CCDC141: variants seen among roughly 807,000 people sequenced by gnomAD.
CCDC141 encodes coiled-coil domain containing 141.
In CCDC141, 168 loss-of-function variants were observed where a neutral mutation model predicts 181.0. The ratio of observed to expected loss-of-function variants is 0.93; its 90% CI spans 0.82 to 1.05. The LOEUF (loss-of-function observed/expected upper bound fraction) is 1.05. Among genes scored for constraint, CCDC141 ranks in the 50% least tolerant of loss-of-function variants. The pLI, the probability that CCDC141 is intolerant of heterozygous loss-of-function variation, is 0.00. For missense variants in CCDC141, 1,902 were observed against 1,788.5 expected (o/e 1.06, Z -1.14); for synonymous variants, 666 against 642.3 (o/e 1.04, Z -0.56).
chr2:178,827,453 A>G (rs1464031231), downstream of CCDC141, among the ~76,000 whole-genome samples: 2 of 151,874 alleles, frequency 1.3e-5, no homozygotes, highest in African/African-American at 4.8e-5. Flanking sequence ...CCTTCCTTAT[A>G]TTGTATATAT....
At chr2:179,003,415 C>T (rs938949684) in intron 2 of CCDC141, among the ~76,000 whole-genome samples, 5 of 152,202 alleles carry the variant, frequency 3.3e-5, no homozygotes, top group African/African-American at 1.2e-4. Flanking sequence ...ATTACTTTTT[C>T]TCACTAGGCC....
Position 178,878,140 on chromosome 2 carries a change from C to T in CCDC141, c.1723G>A (p.Glu575Lys), listed in dbSNP as rs762046066. Residue 575 changes from glutamate to lysine, a missense_variant, in exon 12 of 24, where the codon GAG becomes AAG. By Grantham distance (56) the Glu-to-Lys change is moderately conservative. Coordinates refer to ENST00000443758, the MANE Select transcript of CCDC141 (RefSeq NM_173648.4). ...TCTTTTAAGCTCTGAAACTGCATCTCTACCTAAAAAAGAAAAAAGAGAGTT... is the reference window on the plus strand; with the variant it reads ...TCTTTTAAGCTCTGAAACTGCATCTTTACCTAAAAAAGAAAAAAGAGAGTT... Reference protein sequence around the residue: ...VAFLKSSEEVEMQFQSLKEFY... With the variant: ...VAFLKSSEEVKMQFQSLKEFY... 6.3e-6 allele frequency: 10 copies of T among 1,589,514 alleles called. No homozygotes were observed. Among genetic ancestry groups the T allele is most frequent in the Non-Finnish European group, 8.5e-6 (10 of 1,173,958 alleles).
chr2:178,912,941 C>A (rs964107653), intron 7 of CCDC141, among the ~76,000 whole-genome samples: 8 of 152,176 alleles, frequency 5.3e-5, no homozygotes, highest in African/African-American at 1.2e-4. Context: ...CTCTGGGGAG[C>A]CTTCCTTGAC....
At chr2:178,961,615 T>A in intron 4 of CCDC141, 132 bp from the exon 5 acceptor site, 2 of 790,370 alleles carry the variant, frequency 2.5e-6, no homozygotes, top group Non-Finnish European at 3.8e-6. Flanking sequence ...TGCAAGGAAT[T>A]AAAATATGTA....
intron 17 of CCDC141, among the ~76,000 whole-genome samples, chr2:178,860,864 T>G (rs999938870): frequency 1.3e-5 from 2 of 152,172 alleles, no homozygotes; most frequent in African/African-American, 4.8e-5. Flanking sequence ...CCATTTTGCA[T>G]GTTTTGTGTC....
intron 19 of CCDC141, 60 bp from the exon 20 acceptor site, chr2:178,853,684 T>C: frequency 7.0e-7 from 1 of 1,433,440 alleles, no homozygotes; most frequent in Non-Finnish European, 9.5e-7. Flanking sequence ...AAGTTCTTAA[T>C]TTTGACCAGT....
intron 16 of CCDC141, 26 bp from the exon 17 acceptor site, chr2:178,865,942 G>C (rs1685834151): frequency 1.4e-6 from 2 of 1,444,836 alleles, no homozygotes; most frequent in Non-Finnish European, 1.8e-6. Flanking sequence ...GGTGGTAACA[G>C]AGAGAAAGGA....
chr2:178,884,831 T>C, intron 11 of CCDC141, 70 bp downstream of exon 11: 1 of 1,286,034 alleles, frequency 7.8e-7, no homozygotes, highest in South Asian at 1.4e-5. Flanking sequence ...GCAGAGCATA[T>C]ATCCCCACAG....
intron 12 of CCDC141, chr2:178,873,347 A>C (rs1686204414): frequency 6.6e-6 from 1 of 152,144 alleles, no homozygotes; most frequent in Non-Finnish European, 1.5e-5. Context: ...CATGAACTTA[A>C]GAATCTAGTA....
intron 22 of CCDC141, among the ~76,000 whole-genome samples, chr2:178,838,298 A>G (rs1042382248): frequency 6.6e-6 from 1 of 152,240 alleles, no homozygotes; most frequent in African/African-American, 2.4e-5. Flanking sequence ...GCTCAGTGGC[A>G]TTAAGTGCAT....
chr2:178,855,637 A>G, intron 18 of CCDC141, 96 bp from the exon 19 acceptor site: 4 of 685,694 alleles, frequency 5.8e-6, no homozygotes, highest in Non-Finnish European at 9.4e-6. Flanking sequence ...AAAATTTTGC[A>G]GCTTCCTCCA....
the CCDC141 span, among the ~76,000 whole-genome samples, chr2:178,816,646 G>C: frequency 6.6e-6 from 1 of 151,966 alleles, no homozygotes; most frequent in Non-Finnish European, 1.5e-5. Context: ...CTGCCGTTTT[G>C]CGTTCCCACC....
At chr2:179,038,105 C>G (rs867493971) in intron 2 of CCDC141, among the ~76,000 whole-genome samples, 1 of 152,158 alleles carries the variant, frequency 6.6e-6, no homozygotes, top group Non-Finnish European at 1.5e-5. Flanking sequence ...AAAGTGGAAA[C>G]AACTCAAGTG....
intron 2 of CCDC141, among the ~76,000 whole-genome samples, chr2:179,006,408 A>T (rs916852210): frequency 6.6e-6 from 1 of 152,184 alleles, no homozygotes; most frequent in Non-Finnish European, 1.5e-5. Context: ...TTTCATATGA[A>T]AGTGTTCAGA....
chr2:179,033,964 T>G (rs1575373460), intron 2 of CCDC141, among the ~76,000 whole-genome samples: 2 of 152,308 alleles, frequency 1.3e-5, no homozygotes, highest in East Asian at 3.9e-4. Context: ...GAAAAAAGCA[T>G]AAATTACTAA....
chr2:178,990,574 G>T (rs1559032867), intron 2 of CCDC141, among the ~76,000 whole-genome samples: 1 of 136,452 alleles, frequency 7.3e-6, no homozygotes, highest in African/African-American at 2.9e-5. Context: ...AAAAGAGAAG[G>T]GGAGGGGAGT....
intron 6 of CCDC141, among the ~76,000 whole-genome samples, chr2:178,920,533 G>A (rs1435485327): frequency 6.6e-6 from 1 of 152,028 alleles, no homozygotes; most frequent in East Asian, 1.9e-4. Context: ...ACCAGCCTGG[G>A]CAACATGGCA....
intron 5 of CCDC141, among the ~76,000 whole-genome samples, chr2:178,954,514 C>G (rs1288848918): frequency 6.6e-6 from 1 of 152,176 alleles, no homozygotes; most frequent in Non-Finnish European, 1.5e-5. Flanking sequence ...AAGTCCCCAT[C>G]ATGCTGGTCA....
intron 6 of CCDC141, among the ~76,000 whole-genome samples, chr2:178,935,645 T>C (rs753670863): frequency 6.6e-6 from 1 of 152,152 alleles, no homozygotes; most frequent in Non-Finnish European, 1.5e-5. Flanking sequence ...TGCCCAGTAA[T>C]GGGATTGCTG....
Sources: allele counts gnomAD v4.1 joint callset (sites outside exome capture counted in the v4.1 genomes callset), GRCh38; gene constraint gnomAD v4.1.1; transcripts MANE v1.5; gene names NCBI Gene and HGNC (gene_info 2026-07-23, HGNC 2026-07-21).